The following TTN variants were observed in gnomAD, a reference collection of about 807,000 sequenced individuals.
The protein encoded by TTN is titin.
TTN carries 1,525 observed loss-of-function variants against 3,223.0 expected under a neutral mutation model. The ratio of observed to expected loss-of-function variants is 0.47; its 90% CI spans 0.45 to 0.49. TTN has a LOEUF of 0.49. Among genes scored for constraint, TTN ranks in the 20% least tolerant of loss-of-function variants. TTN has a pLI of 0.00. For missense variants in TTN, 40,786 were observed against 43,424.0 expected (o/e 0.94, Z 5.40); for synonymous variants, 14,094 against 15,161.0 (o/e 0.93, Z 5.17).
chr2:178,685,546 A>G lies in TTN; in HGVS notation c.32364T>C (p.Ser10788=). Residue 10788 remains serine (S), a synonymous_variant, in exon 128 of 363, where the codon TCT becomes TCC. Transcript: ENST00000589042. ...YVVEEKLHII[S]KRVEAEPAEV... is the part of the protein sequence containing the mutation. ...CAGCTGGCTCAGCTTCCACTCTCTTAGAAATAATGTGCAGCTTTTCTTCCA... is the reference window on the plus strand; with the variant it reads ...CAGCTGGCTCAGCTTCCACTCTCTTGGAAATAATGTGCAGCTTTTCTTCCA... 6.2e-7 allele frequency: 1 copy of G among 1,613,640 alleles called. No homozygotes were observed. Among genetic ancestry groups the G allele is most frequent in the South Asian group, 1.1e-5 (1 of 90,948 alleles).
chr2:178,620,485 G>A lies in TTN; in HGVS notation c.46036C>T (p.Arg15346Cys), dbSNP rs767343871. Residue 15346 changes from arginine to cysteine, a missense_variant, in exon 248 of 363, where the codon CGT (arginine) becomes TGT (cysteine). Coordinates refer to ENST00000589042, the MANE Select transcript of TTN (RefSeq NM_001267550.2). ...KNGEEVPFDN[R>C]VSYRVDKYKH... is the part of the protein sequence containing the mutation. ...TACTTATCAACTCTGTATGAGACAC[G>A]GTTGTCAAAAGGCACTTCTTCACCA... 1.1e-5 allele frequency: 17 copies of A among 1,612,204 alleles called. 1 individual carries two copies. In the South Asian group the frequency reaches 1.1e-4, roughly 10 times the overall value.
Position 178,732,821 on chromosome 2 carries a change from G to A in TTN, c.16342+13C>T, listed in dbSNP as rs2080790940. 1 of 1,598,222 alleles carries A rather than the reference G, an allele frequency of 6.3e-7. No individual in the cohort carries two copies. Among genetic ancestry groups the A allele is most frequent in the Middle Eastern group, 1.7e-4 (1 of 5,956 alleles). On this transcript the variant is annotated intron_variant, in intron 55 of 362. Transcript: ENST00000589042. ...ATCTTTAATAAGGATAAAATGCAAA[G>A]TCTCCAGCCAACCTTGCACAATCAG...
At chr2:178,684,825 T>C in intron 130 of TTN, 76 bp from the exon 131 acceptor site, 1 of 1,554,932 alleles carries the variant, frequency 6.4e-7, no homozygotes, top group Non-Finnish European at 8.8e-7. Context: ...ATTTTCTGGT[T>C]AATGTTTAAA....
intron 213 of TTN, 101 bp downstream of exon 213, chr2:178,649,147 T>C: frequency 1.1e-6 from 1 of 940,414 alleles, no homozygotes. Flanking sequence ...TGCAATATGG[T>C]TTTAACATAA....
rs781399131 is a variant in TTN at position 178,569,750 on chromosome 2, A to G, written c.76382T>C (p.Ile25461Thr). The change falls in exon 326 of 363, where the codon ATT becomes ACT. Residue 25461 changes from isoleucine (I) to threonine (T), a missense_variant. Ile to Thr is a moderately conservative substitution (Grantham distance 89). Coordinates refer to ENST00000589042, the MANE Select transcript of TTN (RefSeq NM_001267550.2). ...CTCTACTTCTATGTTTGTTTTATTA[A>G]TTCCTGTTGGTGGAGTGCACATTGT... The part of the protein sequence containing the change: ...EWTMCTPPTG[I>T]NKTNIEVEKL... 7 of 1,613,202 alleles carry G rather than the reference A, an allele frequency of 4.3e-6. No individual in the cohort carries two copies. The highest frequency in any genetic ancestry group is 5.9e-6 in the Non-Finnish European group (7 of 1,179,600).
In TTN at chr2:178,720,952, G is replaced by A. The variant is rs191854953; in HGVS notation, c.23067C>T (p.Asp7689=). The A allele has an allele frequency of 2.4e-5, 38 of 1,598,256 alleles. No individual in the cohort carries two copies. The highest frequency in any genetic ancestry group is 8.4e-5 in the Admixed American group (5 of 59,654). Residue 7689 remains aspartate, a synonymous_variant, in exon 79 of 363, where the codon GAC becomes GAT. Coordinates refer to ENST00000589042, the MANE Select transcript of TTN (RefSeq NM_001267550.2). The part of the protein sequence containing the change: ...YICEAHNGVG[D]ASCSTALTVK... ...CTGTCAACGCTGTGCTGCAGCTGGC[G>A]TCACCAACACCATTATGAGCCTCAC...
Position 178,565,249 on chromosome 2 carries a change from T to G in TTN, c.80883A>C (p.Ala26961=), listed in dbSNP as rs750398477. ...AAACGATAACACTGAGATTTTCTGT[T>G]GCTGTGCCTGCACTATTTGTTGCCG... The part of the protein sequence containing the change: ...TVTATNSAGT[A]TENLSVIVLE... The change falls in exon 326 of 363, where the codon GCA becomes GCC. Residue 26961 remains alanine, a synonymous_variant. Transcript: ENST00000589042. The G allele has an allele frequency of 1.2e-6, 2 of 1,613,646 alleles. No individual in the cohort carries two copies. The highest frequency in any genetic ancestry group is 1.7e-6 in the Non-Finnish European group (2 of 1,179,696).
intron 83 of TTN, 63 bp downstream of exon 83, chr2:178,719,101 C>T: frequency 7.8e-6 from 12 of 1,547,374 alleles, no homozygotes; most frequent in African/African-American, 1.4e-5. Context: ...CCAGGGAAGG[C>T]AGGCACCACG....
chr2:178,757,230 A>ACTTACT (rs1227467101), intron 45 of TTN, among the ~76,000 whole-genome samples: 1 of 16,360 alleles, frequency 6.1e-5, no homozygotes, highest in East Asian at 2.2e-3. Flanking sequence ...GTAAGTAATA[A>ACTTACT]TCAGCAAATA....
Position 178,561,635 on chromosome 2 carries a change from G to A in TTN, c.84497C>T (p.Ala28166Val), listed in dbSNP as rs1553564661. ...GGTTACAAGCATGGTAGATTTTGTGGCATGCACAACTTTAGGAGTACCAGG... is the reference window on the plus strand; with the variant it reads ...GGTTACAAGCATGGTAGATTTTGTGACATGCACAACTTTAGGAGTACCAGG... ...GPPGTPKVVHATKSTMLVTWQ... is the reference protein window; with the variant it reads ...GPPGTPKVVHVTKSTMLVTWQ... The change falls in exon 326 of 363, where the codon GCC becomes GTC. Residue 28166 changes from alanine to valine, a missense_variant. Coordinates refer to ENST00000589042, the MANE Select transcript of TTN (RefSeq NM_001267550.2). 1.9e-6 allele frequency: 3 copies of A among 1,611,416 alleles called. No homozygotes were observed. The highest frequency in any genetic ancestry group is 2.5e-6 in the Non-Finnish European group (3 of 1,178,698).
chr2:178,782,202 A>G lies in TTN; in HGVS notation c.3380+10T>C. The G allele has an allele frequency of 6.2e-7, 1 of 1,614,066 alleles. No individual in the cohort carries two copies. Among genetic ancestry groups the G allele is most frequent in the Non-Finnish European group, 8.5e-7 (1 of 1,179,936 alleles). ...GTCACAGAGAACTCTATATTCAGCC[A>G]TCAAAATACCTGTATCCAGTGGTTA... is the stretch of plus-strand genomic sequence containing the variant. On this transcript the variant is annotated intron_variant, in intron 20 of 362. Coordinates refer to ENST00000589042, the MANE Select transcript of TTN (RefSeq NM_001267550.2).
In TTN at chr2:178,620,698, G is replaced by T. The variant is rs1559872244; in HGVS notation, c.45895+17C>A. The T allele has an allele frequency of 6.2e-7, 1 of 1,610,618 alleles. No homozygotes were observed. The highest frequency in any genetic ancestry group is 8.5e-7 in the Non-Finnish European group (1 of 1,178,610). ...GAAACTGATGAAAAAATCTCTAGTG[G>T]TATATAAATTACTTACCTTCTACTA... On this transcript the variant is annotated intron_variant, in intron 247 of 362. Transcript: ENST00000589042.
intron 235 of TTN, 54 bp downstream of exon 235, chr2:178,632,472 A>C: frequency 6.3e-7 from 1 of 1,587,774 alleles, no homozygotes; most frequent in Non-Finnish European, 8.5e-7. Flanking sequence ...AGAAATATAA[A>C]ACTAAAGGCA....
rs757142612 is a variant in TTN, at chr2:178,793,434, C to T, written c.1506G>A (p.Lys502=). Residue 502 remains lysine (K), a synonymous_variant, in exon 9 of 363, where the codon AAG becomes AAA. Transcript: ENST00000589042. ...KSRTKEVITT[K]QEQMHVTHEQ... ...CATGAGTTACGTGCATCTGCTCTTGCTTTGTGGTAATTACTTCTTTGGTTC... is the reference window on the plus strand; with the variant it reads ...CATGAGTTACGTGCATCTGCTCTTGTTTTGTGGTAATTACTTCTTTGGTTC... 3.7e-6 allele frequency: 6 copies of T among 1,614,106 alleles called. No individual in the cohort carries two copies. The African/African-American group carries it at 5.3e-5, about 14-fold the overall frequency.
Position 178,548,459 on chromosome 2 carries a change from C to A in TTN, c.93167G>T (p.Arg31056Leu). The A allele has an allele frequency of 6.2e-7, 1 of 1,613,886 alleles. No homozygotes were observed. The highest frequency in any genetic ancestry group is 2.2e-5 in the East Asian group (1 of 44,874). The change falls in exon 339 of 363, where the codon CGA becomes CTA. Residue 31056 changes from arginine to leucine, a missense_variant. Transcript: ENST00000589042. The surrounding 1 kb of genome is among the most constrained non-coding windows in gnomAD (Gnocchi z 4.3). Reference protein sequence around the residue: ...ARIHHYVVEKREASRRSWQVI... With the variant: ...ARIHHYVVEKLEASRRSWQVI... ...CTGCCAACTACGGCGACTTGCCTCT[C>A]GTTTCTCTACCACATAATGATGGAT... is the stretch of plus-strand genomic sequence containing the variant.
At position 178,773,559 on chromosome 2, in the gene TTN, T is replaced by G. The variant is rs769774709; in HGVS notation, c.7497A>C (p.Lys2499Asn). The change falls in exon 32 of 363, where the codon AAA (lysine) becomes AAC (asparagine). Residue 2499 changes from lysine (K) to asparagine (N), a missense_variant. Transcript: ENST00000589042. ...GAGTTCGGTTAATGACTAGTCGCTG[T>G]TTAGTACCTTTCACAATGGCCTGTA... ...DRVQAIVKGT[K>N]QRLVINRTHA... The G allele has an allele frequency of 6.8e-6, 11 of 1,613,938 alleles. No individual in the cohort carries two copies. In the South Asian group the frequency reaches 1.1e-4, roughly 16 times the overall value.
rs147695336 is a variant in TTN at position 178,776,874 on chromosome 2, G to A, written c.4990C>T (p.Arg1664Trp). 4.0e-5 allele frequency: 65 copies of A among 1,613,044 alleles called. No individual in the cohort carries two copies. Among genetic ancestry groups the A allele is most frequent in the Middle Eastern group, 3.3e-4 (2 of 6,076 alleles). The part of the protein sequence containing the change: ...PEPERKLIIP[R>W]GTYRAKEIAA... ...ATCTCCTTTGCTCTATATGTCCCCC[G>A]TGGGATGATTAACTTTCTCTCTGGC... Residue 1664 changes from arginine to tryptophan, a missense_variant, in exon 28 of 363, where the codon CGG (arginine) becomes TGG (tryptophan). Physicochemically the swap from Arg to Trp is moderately radical, Grantham distance 101. Coordinates refer to ENST00000589042, the MANE Select transcript of TTN (RefSeq NM_001267550.2).
chr2:178,694,110 G>A (rs999744539), intron 117 of TTN, 102 bp from the exon 118 acceptor site: 19 of 815,664 alleles, frequency 2.3e-5, no homozygotes, highest in Non-Finnish European at 3.4e-5. Flanking sequence ...CAGAATGAGT[G>A]GGTTAATATG....
chr2:178,537,223 C>T lies in TTN; in HGVS notation c.99886G>A (p.Gly33296Arg), dbSNP rs762113070. 1.2e-6 allele frequency: 2 copies of T among 1,602,320 alleles called. No individual in the cohort carries two copies. Among genetic ancestry groups the T allele is most frequent in the East Asian group, 2.2e-5 (1 of 44,640 alleles). Residue 33296 changes from glycine to arginine, a missense_variant, in exon 356 of 363, where the codon GGA becomes AGA. By Grantham distance (125) the Gly-to-Arg change is moderately radical (BLOSUM62 -2). Coordinates refer to ENST00000589042, the MANE Select transcript of TTN (RefSeq NM_001267550.2). The part of the protein sequence containing the change: ...EIQDKPDKPT[G>R]PIVIEALLKN... Reference sequence around the variant, plus strand: ...AATAGAGCTTCGATCACAATTGGTCCTGTAGGTTTGTCTGGTTTATCTGTT... The same window carrying T: ...AATAGAGCTTCGATCACAATTGGTCTTGTAGGTTTGTCTGGTTTATCTGTT...
Sources: gnomAD v4.1 joint callset for allele counts (sites outside exome capture counted in the v4.1 genomes callset) on GRCh38, gnomAD v4.1.1 for gene constraint, Gnocchi (gnomAD v3.1) non-coding constraint, MANE v1.5 for transcripts, NCBI Gene and HGNC (gene_info 2026-07-23, HGNC 2026-07-21) for gene names.